The following ARPC2 variants were observed in gnomAD, a reference collection of about 807,000 sequenced individuals.
ARPC2 encodes actin-related protein 2/3 complex subunit 2.
A neutral mutation model predicts 38.6 loss-of-function variants in ARPC2; 4 were observed. That is an observed-to-expected ratio of 0.10 (90% CI 0.05 to 0.24). The LOEUF is 0.24. ARPC2 is among the 10% of genes least tolerant of loss of function. ARPC2 has a pLI of 1.00. For synonymous variants in ARPC2, 125 were observed against 140.8 expected, an observed-to-expected ratio of 0.89 and a Z score of 0.79; for missense variants, 229 against 387.3, an observed-to-expected ratio of 0.59 and a Z score of 3.43.
chr2:218,241,832 C>T (rs1012082170), intron 7 of ARPC2, among the ~76,000 whole-genome samples: 1 of 152,240 alleles, frequency 6.6e-6, no homozygotes, highest in Non-Finnish European at 1.5e-5. Context: ...GCTAGCTAGA[C>T]TCAGGAAGTC....
intron 9 of ARPC2, 105 bp downstream of exon 9, chr2:218,249,569 C>CT: frequency 2.1e-6 from 2 of 931,344 alleles, no homozygotes; most frequent in Non-Finnish European, 3.2e-6. Flanking sequence ...GATATTGACT[C>CT]TTAGGTAAAT....
At chr2:218,243,931 T>C (rs1689972322) in intron 7 of ARPC2, among the ~76,000 whole-genome samples, 1 of 152,248 alleles carries the variant, frequency 6.6e-6, no homozygotes, top group East Asian at 1.9e-4. Flanking sequence ...ACCTGTGAAT[T>C]AGAGCCTTGG....
intron 7 of ARPC2, among the ~76,000 whole-genome samples, chr2:218,243,592 T>TG (rs1386765300): frequency 6.6e-6 from 1 of 152,124 alleles, no homozygotes; most frequent in African/African-American, 2.4e-5. Flanking sequence ...CTGGCCAACA[T>TG]GGTGAAACCC....
chr2:218,225,208 C>T (rs1189601553), intron 2 of ARPC2, among the ~76,000 whole-genome samples: 1 of 152,154 alleles, frequency 6.6e-6, no homozygotes. Context: ...TGTCCCAAAA[C>T]ATGAGCGTGA....
chr2:218,234,615 T>C (rs898411420), intron 5 of ARPC2: 4 of 564,532 alleles, frequency 7.1e-6, no homozygotes, highest in Non-Finnish European at 1.3e-5. Flanking sequence ...ATGTGTGACA[T>C]TTTTAACATT....
intron 7 of ARPC2, among the ~76,000 whole-genome samples, chr2:218,242,532 T>G (rs1406156816): frequency 6.6e-6 from 1 of 152,196 alleles, no homozygotes; most frequent in African/African-American, 2.4e-5. Context: ...TTTCCTGAAC[T>G]GGGAACACTG....
intron 4 of ARPC2, chr2:218,229,067 T>C (rs911486858): frequency 2.0e-5 from 8 of 396,480 alleles, no homozygotes; most frequent in Admixed American, 4.3e-5. Flanking sequence ...AAAAATAGCT[T>C]TAGTTCTCCA....
intron 7 of ARPC2, among the ~76,000 whole-genome samples, chr2:218,240,718 C>T (rs950763138): frequency 1.3e-4 from 18 of 138,138 alleles, no homozygotes; most frequent in Non-Finnish European, 2.8e-4. Flanking sequence ...GGTGAAACCC[C>T]GTCTCTACTA....
chr2:218,248,443 C>A (rs1024015755), intron 8 of ARPC2, among the ~76,000 whole-genome samples: 1 of 152,176 alleles, frequency 6.6e-6, no homozygotes, highest in East Asian at 1.9e-4. Context: ...TGCTGTAGTG[C>A]AAAGGACTTT....
In ARPC2 at chr2:218,228,859, C is replaced by T; in HGVS notation, c.222+9C>T. On this transcript the variant is annotated intron_variant, in intron 4 of 10. Transcript: ENST00000315717. ...CACATGGTGCTGATGAGGTAAGATC[C>T]ACATCATTTTCCTTGGGACTCTTGT... 6.6e-7 allele frequency: 1 copy of T among 1,520,288 alleles called. No individual in the cohort carries two copies. The highest frequency in any genetic ancestry group is 9.1e-7 in the Non-Finnish European group (1 of 1,095,982). 94.2% of individuals were successfully genotyped at this position (1,520,288 alleles called of 1,614,324 possible).
In ARPC2 at chr2:218,245,525, A is replaced by G; in HGVS notation, c.655A>G (p.Asn219Asp). ...AGACACAGACGCCGCTGTGGGTGAC[A>G]ACATTGGCTACATTACCTTTGGTGA... is the stretch of plus-strand genomic sequence containing the variant. ...LKDTDAAVGD[N>D]IGYITFVLFP... The change falls in exon 8 of 11, where the codon AAC (asparagine) becomes GAC (aspartate). Residue 219 changes from asparagine to aspartate, a missense_variant. Asn to Asp is a conservative substitution (Grantham distance 23). Around this residue, in one of 3 missense-constraint regions of ARPC2, gnomAD observed 92 missense variants for 152.3 expected, o/e 0.60. Transcript: ENST00000315717. 5 of 1,614,194 alleles carry G rather than the reference A, an allele frequency of 3.1e-6. No homozygotes were observed. Among genetic ancestry groups the G allele is most frequent in the Non-Finnish European group, 2.5e-6 (3 of 1,180,022 alleles).
At chr2:218,228,893 C>A in intron 4 of ARPC2, 43 bp downstream of exon 4, 1 of 1,298,840 alleles carries the variant, frequency 7.7e-7, no homozygotes, top group Non-Finnish European at 1.1e-6. Flanking sequence ...GTTTCCTCAC[C>A]TTTCATTGGC....
At chr2:218,250,321 A>T (rs1409043142) in intron 10 of ARPC2, among the ~76,000 whole-genome samples, 3 of 152,172 alleles carry the variant, frequency 2.0e-5, no homozygotes, top group African/African-American at 7.2e-5. Flanking sequence ...GTCCACTCTC[A>T]GCAGGAAGTT....
chr2:218,239,063 A>G (rs1689846569), intron 6 of ARPC2: 1 of 565,566 alleles, frequency 1.8e-6, no homozygotes, highest in Non-Finnish European at 3.1e-6. Context: ...GTGGAAAGAG[A>G]ATCCAGTGCT....
intron 2 of ARPC2, among the ~76,000 whole-genome samples, chr2:218,224,383 CT>C (rs2106144418): frequency 6.6e-6 from 1 of 152,318 alleles, no homozygotes; most frequent in East Asian, 1.9e-4. Flanking sequence ...AACTCCCTGA[CT>C]CTTCAGCACA....
Position 218,228,758 on chromosome 2 carries a change from C to A in ARPC2, c.130C>A (p.His44Asn). Residue 44 changes from histidine to asparagine, a missense_variant, in exon 4 of 11, where the codon CAT (histidine) becomes AAT (asparagine). His to Asn is a moderately conservative substitution (Grantham distance 68, BLOSUM62 1). This residue lies in a region of ARPC2 where 135 missense variants were observed against 214.1 expected (regional missense o/e 0.63). Transcript: ENST00000315717. ...TFADFDGVLY[H>N]ISNPNGDKTK... ...CACAGATTTCGATGGGGTCCTCTATCATATTTCAAATCCTAATGGAGACAA... is the reference window on the plus strand; with the variant it reads ...CACAGATTTCGATGGGGTCCTCTATAATATTTCAAATCCTAATGGAGACAA... The A allele has an allele frequency of 6.2e-7, 1 of 1,602,622 alleles. No homozygotes were observed. The highest frequency in any genetic ancestry group is 1.1e-5 in the South Asian group (1 of 90,728).
chr2:218,223,439 A>G (rs1454957734), intron 2 of ARPC2, among the ~76,000 whole-genome samples: 1 of 124,112 alleles, frequency 8.1e-6, no homozygotes, highest in Non-Finnish European at 1.9e-5. Context: ...CAATTTGGAT[A>G]TGCCAAAGAG....
intron 4 of ARPC2, chr2:218,229,263 TA>T (rs1180430245): frequency 6.5e-6 from 1 of 153,188 alleles, no homozygotes; most frequent in African/African-American, 2.4e-5. Flanking sequence ...AATTTTTAAT[TA>T]AAGCTCTTTA....
In ARPC2 at chr2:218,253,199, G is replaced by A. The variant is rs147266065; in HGVS notation, c.879-692G>A. On this transcript the variant is annotated intron_variant, in intron 10 of 10. Transcript: ENST00000315717. ...AAGACAGGGAAAATCTAGAGCCCAT[G>A]TTTTTGCCCTGATTTCCCATAGTTC... 1.4e-3 allele frequency among the ~76,000 whole-genome samples: 219 copies of A among 152,310 alleles called. 1 individual carries two copies. The highest frequency in any genetic ancestry group is 5.1e-3 in the African/African-American group (210 of 41,570).
Sources: gnomAD v4.1 joint callset for allele counts (sites outside exome capture counted in the v4.1 genomes callset) on GRCh38, gnomAD v4.1.1 for gene constraint, gnomAD v4.1.1 regional missense constraint, MANE v1.5 for transcripts, NCBI Gene and HGNC (gene_info 2026-07-23, HGNC 2026-07-21) for gene names.